The following NKAIN1 variants were observed in gnomAD, a reference collection of about 807,000 sequenced individuals.
NKAIN1 encodes the protein sodium/potassium-transporting ATPase subunit beta-1-interacting protein 1.
NKAIN1 carries 13 observed loss-of-function variants against 31.6 expected under a neutral mutation model. The ratio of observed to expected loss-of-function variants is 0.41; its 90% CI spans 0.27 to 0.65. The LOEUF is 0.65. Ranked by LOEUF, NKAIN1 falls within the 30% of genes least tolerant of loss-of-function variation. The pLI, the probability that NKAIN1 is intolerant of heterozygous loss-of-function variation, is 0.30. For missense variants in NKAIN1, 193 were observed against 262.2 expected (o/e 0.74, Z 1.82); for synonymous variants, 104 against 109.0 (o/e 0.95, Z 0.28).
At chr1:31,195,223 A>C (rs988318698) in intron 1 of NKAIN1, among the ~76,000 whole-genome samples, 2 of 145,070 alleles carry the variant, frequency 1.4e-5, no homozygotes, top group Non-Finnish European at 3.0e-5. Context: ...GGTTCAAGCT[A>C]TTCTCCTGCC....
chr1:31,187,978 G>A, intron 2 of NKAIN1, 72 bp downstream of exon 2: 1 of 1,475,068 alleles, frequency 6.8e-7, no homozygotes, highest in Non-Finnish European at 9.1e-7. Flanking sequence ...CTGGTTTTGA[G>A]GAGCAGGGAG....
chr1:31,184,630 T>C (rs1645228570), intron 3 of NKAIN1, among the ~76,000 whole-genome samples: 1 of 152,120 alleles, frequency 6.6e-6, no homozygotes, highest in African/African-American at 2.4e-5. Flanking sequence ...CCCAGGGTAA[T>C]ACAGCTAGAA....
intron 1 of NKAIN1, among the ~76,000 whole-genome samples, chr1:31,217,307 AGT>A (rs1489283547): frequency 6.6e-6 from 1 of 152,084 alleles, no homozygotes; most frequent in Non-Finnish European, 1.5e-5. Flanking sequence ...TAGGGCTACA[AGT>A]GTGTGCCAAC....
intron 4 of NKAIN1, among the ~76,000 whole-genome samples, chr1:31,183,479 G>A (rs1205713374): frequency 9.5e-6 from 1 of 105,264 alleles, no homozygotes; most frequent in African/African-American, 4.7e-5. Flanking sequence ...ATGGAGTTTC[G>A]CTCTTGTTGC....
chr1:31,185,166 G>C, intron 3 of NKAIN1, 81 bp downstream of exon 3: 1 of 1,112,954 alleles, frequency 9.0e-7, no homozygotes, highest in Non-Finnish European at 1.3e-6. Context: ...TGATGCTCTG[G>C]TCCTATACCA....
chr1:31,202,319 T>C (rs1645386612), intron 1 of NKAIN1, among the ~76,000 whole-genome samples: 1 of 152,092 alleles, frequency 6.6e-6, no homozygotes, highest in Admixed American at 6.5e-5. Flanking sequence ...ATATCTACAT[T>C]AATTTGCATA....
intron 1 of NKAIN1, among the ~76,000 whole-genome samples, chr1:31,193,418 C>A (rs1645301318): frequency 6.6e-6 from 1 of 151,792 alleles, no homozygotes; most frequent in South Asian, 2.1e-4. Flanking sequence ...CAAGTCAAGG[C>A]CGGTGCAGTG....
chr1:31,180,975 C>G lies in NKAIN1; in HGVS notation c.*728G>C, dbSNP rs1645192772. On this transcript the variant is annotated 3_prime_UTR_variant, in exon 7 of 7. Coordinates refer to ENST00000373736, the MANE Select transcript of NKAIN1 (RefSeq NM_024522.3). ...CTCAGAGAGCAGACACTGGGTTTTA[C>G]AGTCAGAAACTGCAGAAAGTACACT... is the stretch of plus-strand genomic sequence containing the variant. The G allele has an allele frequency of 6.6e-6, 1 of 152,120 alleles. No individual in the cohort carries two copies. The allele number at this position is 152,120 out of a possible 1,614,324, so 9.4% of individuals were successfully genotyped here. A position where few individuals can be genotyped will look rare whatever the true frequency, so the allele number is the denominator to read the frequency against.
intron 1 of NKAIN1, among the ~76,000 whole-genome samples, chr1:31,231,858 A>G (rs1476301392): frequency 6.6e-6 from 1 of 151,310 alleles, no homozygotes; most frequent in East Asian, 1.9e-4. Flanking sequence ...TTTAGCTCAC[A>G]CAAATAAGTA....
intron 1 of NKAIN1, among the ~76,000 whole-genome samples, chr1:31,211,681 G>T (rs996455407): frequency 6.6e-6 from 1 of 151,948 alleles, no homozygotes; most frequent in Non-Finnish European, 1.5e-5. Flanking sequence ...GGGCACGGTG[G>T]CTCATGCCTG....
At chr1:31,237,730 A>G (rs879701389) in intron 1 of NKAIN1, among the ~76,000 whole-genome samples, 1 of 152,136 alleles carries the variant, frequency 6.6e-6, no homozygotes, top group Non-Finnish European at 1.5e-5. Flanking sequence ...CCCTGACCTC[A>G]GGTGATCTGC....
rs1027295299 is a variant in NKAIN1 at position 31,180,864 on chromosome 1, G to A, written c.*839C>T. 2 of 152,338 alleles carry A rather than the reference G, an allele frequency of 1.3e-5. No homozygotes were observed. Among genetic ancestry groups the A allele is most frequent in the African/African-American group, 2.4e-5 (1 of 41,436 alleles). The allele number at this position is 152,338 out of a possible 1,614,324, so 9.4% of individuals were successfully genotyped here. A position where few individuals can be genotyped will look rare whatever the true frequency, so the allele number is the denominator to read the frequency against. Reference sequence around the variant, plus strand: ...AGAACGAATGGGTATATTGCTTTAAGAGAGGCATTGGCAAGTGGTGGTGGT... The same window carrying A: ...AGAACGAATGGGTATATTGCTTTAAAAGAGGCATTGGCAAGTGGTGGTGGT... On this transcript the variant is annotated 3_prime_UTR_variant, in exon 7 of 7. Transcript: ENST00000373736.
chr1:31,230,433 G>T (rs936542566), intron 1 of NKAIN1, among the ~76,000 whole-genome samples: 2 of 152,206 alleles, frequency 1.3e-5, no homozygotes, highest in Non-Finnish European at 2.9e-5. Flanking sequence ...CCACCTCCTT[G>T]TCTCTGGATT....
chr1:31,198,461 C>A (rs964902694), intron 1 of NKAIN1, among the ~76,000 whole-genome samples: 10 of 152,144 alleles, frequency 6.6e-5, no homozygotes, highest in Non-Finnish European at 1.2e-4. Flanking sequence ...AGCTAGGAAC[C>A]TAAACTTTAG....
chr1:31,204,845 G>T (rs1645411075), intron 1 of NKAIN1, among the ~76,000 whole-genome samples: 1 of 152,042 alleles, frequency 6.6e-6, no homozygotes, highest in Admixed American at 6.6e-5. Flanking sequence ...AGTGATGGGG[G>T]GAAGGCCAGA....
chr1:31,224,685 C>A (rs2148365210), intron 1 of NKAIN1, among the ~76,000 whole-genome samples: 1 of 152,354 alleles, frequency 6.6e-6, no homozygotes, highest in East Asian at 1.9e-4. Flanking sequence ...AAGTGCCCTG[C>A]CCGGGGCCTC....
At chr1:31,199,179 G>C (rs1645356168) in intron 1 of NKAIN1, among the ~76,000 whole-genome samples, 1 of 152,166 alleles carries the variant, frequency 6.6e-6, no homozygotes, top group Non-Finnish European at 1.5e-5. Context: ...ACTGACTTCA[G>C]TCCACTGAGG....
chr1:31,180,374 G>A lies in NKAIN1; in HGVS notation c.*1329C>T, dbSNP rs1479261609. The A allele has an allele frequency of 6.6e-6, 1 of 152,224 alleles. No homozygotes were observed. Among genetic ancestry groups the A allele is most frequent in the Non-Finnish European group, 1.5e-5 (1 of 68,054 alleles). The allele number at this position is 152,224 out of a possible 1,614,324, so 9.4% of individuals were successfully genotyped here. On this transcript the variant is annotated 3_prime_UTR_variant, in exon 7 of 7. Transcript: ENST00000373736. ...CAGCGTCCTCAGGAGTGTCTGTGGA[G>A]GGAGGTGGGGAAAGTGTTCTCACCT...
At chr1:31,182,877 T>C (rs1645213813) in intron 4 of NKAIN1, among the ~76,000 whole-genome samples, 1 of 152,200 alleles carries the variant, frequency 6.6e-6, no homozygotes, top group Non-Finnish European at 1.5e-5. Context: ...AAGAGGATTA[T>C]GTGACTTTGT....
Sources: gnomAD v4.1 joint callset for allele counts (sites outside exome capture counted in the v4.1 genomes callset) on GRCh38, gnomAD v4.1.1 for gene constraint, MANE v1.5 for transcripts, NCBI Gene and HGNC (gene_info 2026-07-23, HGNC 2026-07-21) for gene names.